The following TRPC4 variants were observed in gnomAD, a reference collection of about 807,000 sequenced individuals.
TRPC4 encodes transient receptor potential cation channel subfamily C member 4, also known as short transient receptor potential channel 4.
Under a neutral mutation model 99.4 loss-of-function variants are expected in TRPC4, and 49 were observed. That is an observed-to-expected ratio of 0.49 (90% CI 0.39 to 0.63). TRPC4 has a LOEUF of 0.63. Among genes scored for constraint, TRPC4 ranks in the 20% least tolerant of loss-of-function variants. TRPC4 has a pLI of 0.00. For synonymous variants in TRPC4, 454 were observed against 425.9 expected, an observed-to-expected ratio of 1.07 and a Z score of -0.81; for missense variants, 898 against 1,152.9, an observed-to-expected ratio of 0.78 and a Z score of 3.20.
intron 2 of TRPC4, among the ~76,000 whole-genome samples, chr13:37,759,580 G>C (rs1956174664): frequency 9.9e-5 from 15 of 151,794 alleles, no homozygotes. Flanking sequence ...GTTATAAGCA[G>C]ATATTTTACA....
At chr13:37,849,102 G>A (rs78682905) in intron 1 of TRPC4, among the ~76,000 whole-genome samples, 1,766 of 152,244 alleles carry the variant, frequency 0.012, 26 homozygotes, top group African/African-American at 0.04. Context: ...AAATCTATGA[G>A]CTTCCTGGGA....
intron 6 of TRPC4, among the ~76,000 whole-genome samples, chr13:37,656,542 C>T (rs1349525902): frequency 6.6e-6 from 1 of 152,156 alleles, no homozygotes; most frequent in Non-Finnish European, 1.5e-5. Context: ...CTAAGTCAAT[C>T]ATGGTCAAGT....
At chr13:37,662,035 G>A (rs553304051) in intron 6 of TRPC4, among the ~76,000 whole-genome samples, 6 of 152,240 alleles carry the variant, frequency 3.9e-5, no homozygotes, top group South Asian at 2.1e-4. Flanking sequence ...GAAGGCCGGC[G>A]AAGTGGCTCA....
chr13:37,727,206 T>A (rs1035404699), intron 3 of TRPC4, among the ~76,000 whole-genome samples: 6 of 152,044 alleles, frequency 3.9e-5, no homozygotes, highest in Admixed American at 2.0e-4. Context: ...TTAATAAATT[T>A]AAAAATATTG....
At chr13:37,760,655 C>T (rs906607348) in intron 2 of TRPC4, among the ~76,000 whole-genome samples, 1 of 151,954 alleles carries the variant, frequency 6.6e-6, no homozygotes, top group African/African-American at 2.4e-5. Context: ...CCCAGGACAG[C>T]TTTGAATGCA....
intron 1 of TRPC4, among the ~76,000 whole-genome samples, chr13:37,860,890 G>A (rs9576389): frequency 0.42 from 62,906 of 151,134 alleles, 14,173 homozygotes; most frequent in Admixed American, 0.56. Context: ...TTGAGCAGTC[G>A]CTGTCTTCGG....
At chr13:37,839,569 G>A (rs1958675478) in intron 1 of TRPC4, among the ~76,000 whole-genome samples, 1 of 152,118 alleles carries the variant, frequency 6.6e-6, no homozygotes, top group Non-Finnish European at 1.5e-5. Flanking sequence ...GTCATTTAAT[G>A]AGGGATCATT....
At chr13:37,820,554 C>T (rs892303598) in intron 1 of TRPC4, among the ~76,000 whole-genome samples, 11 of 152,160 alleles carry the variant, frequency 7.2e-5, no homozygotes, top group Non-Finnish European at 1.0e-4. Flanking sequence ...TACTAGCCAA[C>T]TGAATCCAGC....
chr13:37,814,016 AT>A (rs1957774132), intron 1 of TRPC4, among the ~76,000 whole-genome samples: 1 of 151,900 alleles, frequency 6.6e-6, no homozygotes, highest in Admixed American at 6.6e-5. Context: ...TAGATTGCAA[AT>A]TTAGTTCAAC....
At chr13:37,756,679 G>C (rs952372477) in intron 2 of TRPC4, among the ~76,000 whole-genome samples, 1 of 151,250 alleles carries the variant, frequency 6.6e-6, no homozygotes, top group Non-Finnish European at 1.5e-5. Context: ...ATTACAGGCA[G>C]GCACCACCAC....
rs140167137 is a variant in TRPC4, at chr13:37,751,216, C to T, written c.379-4761G>A. 2.6e-5 allele frequency among the ~76,000 whole-genome samples: 4 copies of T among 152,154 alleles called. No individual in the cohort carries two copies. In the East Asian group the frequency reaches 5.8e-4, roughly 22 times the overall value. On this transcript the variant is annotated intron_variant, in intron 2 of 10. Coordinates refer to ENST00000379705, the MANE Select transcript of TRPC4 (RefSeq NM_016179.4). ...CATACGACATGGCTTGCTAGGCAGCCGTATCCTCCGGAGCTCCTGTTTACA... is the reference window on the plus strand; with the variant it reads ...CATACGACATGGCTTGCTAGGCAGCTGTATCCTCCGGAGCTCCTGTTTACA...
intron 1 of TRPC4, among the ~76,000 whole-genome samples, chr13:37,836,203 T>C (rs185726564): frequency 2.8e-4 from 43 of 152,302 alleles, no homozygotes; most frequent in African/African-American, 9.6e-4. Context: ...TTAAACCTCT[T>C]TCTTTTGTAA....
chr13:37,732,847 C>T (rs980889252), intron 3 of TRPC4, among the ~76,000 whole-genome samples: 1 of 152,144 alleles, frequency 6.6e-6, no homozygotes, highest in African/African-American at 2.4e-5. Context: ...GTGCCATGCT[C>T]ACAGATCAAA....
rs1288252647 is a variant in TRPC4 at position 37,655,290 on chromosome 13, T to C, written c.1689-7A>G. On this transcript the variant is annotated splice_region_variant and splice_polypyrimidine_tract_variant and intron_variant, in intron 6 of 10. Transcript: ENST00000379705. Reference sequence around the variant, plus strand: ...CTGCAGTGTCTCAAATAACCTGTAATAAAGATAAAATGATACTAATAGCTA... The same window carrying C: ...CTGCAGTGTCTCAAATAACCTGTAACAAAGATAAAATGATACTAATAGCTA... The C allele has an allele frequency of 6.6e-7, 1 of 1,506,948 alleles. No individual in the cohort carries two copies. Among genetic ancestry groups the C allele is most frequent in the African/African-American group, 1.4e-5 (1 of 71,164 alleles). The allele number at this position is 1,506,948 out of a possible 1,614,324, so 93.3% of individuals were successfully genotyped here.
chr13:37,658,965 A>T (rs1952340654), intron 6 of TRPC4, among the ~76,000 whole-genome samples: 4 of 152,180 alleles, frequency 2.6e-5, no homozygotes, highest in Admixed American at 2.6e-4. Context: ...ATGGAAGGGC[A>T]GAATAAGGCC....
intron 3 of TRPC4, among the ~76,000 whole-genome samples, chr13:37,729,884 G>A (rs1360625): frequency 0.63 from 96,326 of 151,982 alleles, 31,011 homozygotes; most frequent in African/African-American, 0.7. Flanking sequence ...TTGGAAGATG[G>A]AAGCAGTTCT....
At chr13:37,752,286 T>C (rs1955956149) in intron 2 of TRPC4, among the ~76,000 whole-genome samples, 1 of 151,754 alleles carries the variant, frequency 6.6e-6, no homozygotes, top group Admixed American at 6.6e-5. Context: ...ATGCAAACTG[T>C]TCTTTTGGAA....
intron 3 of TRPC4, among the ~76,000 whole-genome samples, chr13:37,721,279 A>G (rs1954859804): frequency 6.6e-6 from 1 of 152,118 alleles, no homozygotes; most frequent in South Asian, 2.1e-4. Context: ...AGCTCAATTT[A>G]TTTTATTATT....
chr13:37,824,399 G>T (rs74632760), intron 1 of TRPC4, among the ~76,000 whole-genome samples: 27,646 of 150,858 alleles, frequency 0.18, 2,608 homozygotes, highest in Middle Eastern at 0.2. Context: ...GTATGATATT[G>T]GCTGTGGGTT....
Sources: allele counts gnomAD v4.1 joint callset (sites outside exome capture counted in the v4.1 genomes callset), GRCh38; gene constraint gnomAD v4.1.1; transcripts MANE v1.5; gene names NCBI Gene and HGNC (gene_info 2026-07-23, HGNC 2026-07-21).